Variants in ZFYVE9 observed in about 807,000 individuals in gnomAD.
The protein encoded by ZFYVE9 is zinc finger FYVE domain-containing protein 9.
Under a neutral mutation model 126.7 loss-of-function variants are expected in ZFYVE9, and 43 were observed. The ratio of observed to expected loss-of-function variants is 0.34; its 90% confidence interval spans 0.27 to 0.44. ZFYVE9 has a LOEUF of 0.44. ZFYVE9 is among the 20% of genes least tolerant of loss of function. The pLI is 1.00. For synonymous variants in ZFYVE9, 521 were observed against 597.4 expected (o/e 0.87, Z 1.87); for missense variants, 1,476 against 1,697.0 (o/e 0.87, Z 2.29).
intron 4 of ZFYVE9, among the ~76,000 whole-genome samples, chr1:52,241,659 A>T (rs1277956435): frequency 6.6e-6 from 1 of 152,144 alleles, no homozygotes; most frequent in Admixed American, 6.5e-5. Context: ...GAATTCATGG[A>T]TTCATGTGGC....
chr1:52,221,355 A>C (rs1025246129), intron 2 of ZFYVE9, among the ~76,000 whole-genome samples: 1 of 152,118 alleles, frequency 6.6e-6, no homozygotes, highest in Admixed American at 6.5e-5. Context: ...AACTGATTAG[A>C]TCTAAGCATT....
chr1:52,182,097 G>T (rs1644714338), intron 1 of ZFYVE9, among the ~76,000 whole-genome samples: 1 of 150,994 alleles, frequency 6.6e-6, no homozygotes, highest in Non-Finnish European at 1.5e-5. Flanking sequence ...AGGGAGGTGG[G>T]GGGGTCAGCC....
intron 4 of ZFYVE9, 98 bp from the exon 5 acceptor site, chr1:52,263,675 G>T: frequency 5.4e-6 from 3 of 551,540 alleles, no homozygotes; most frequent in Non-Finnish European, 6.3e-6. Context: ...AGTTTAATAA[G>T]GTTCACTGAC....
At chr1:52,315,117 A>C (rs989974598) in intron 13 of ZFYVE9, among the ~76,000 whole-genome samples, 3 of 152,212 alleles carry the variant, frequency 2.0e-5, no homozygotes, top group Admixed American at 6.5e-5. Flanking sequence ...TCTTTTTAAA[A>C]GACAATTAAC....
At chr1:52,248,046 A>G (rs191878663) in intron 4 of ZFYVE9, among the ~76,000 whole-genome samples, 1 of 152,322 alleles carries the variant, frequency 6.6e-6, no homozygotes. Flanking sequence ...GGTAGGATAT[A>G]TGTATATATA....
chr1:52,278,467 A>G (rs375594385), intron 8 of ZFYVE9, 25 bp from the exon 9 acceptor site: 27 of 1,613,750 alleles, frequency 1.7e-5, no homozygotes, highest in South Asian at 2.2e-5. Context: ...TAACCAATCT[A>G]TTACATTGTT....
intron 12 of ZFYVE9, among the ~76,000 whole-genome samples, chr1:52,297,242 C>CTTTTT (rs767708782): frequency 1.5e-5 from 2 of 134,104 alleles, no homozygotes; most frequent in Admixed American, 7.5e-5. Flanking sequence ...AAAAACATTT[C>CTTTTT]TTTTTTTTTT....
chr1:52,344,882 A>G lies in ZFYVE9; in HGVS notation c.4054A>G (p.Lys1352Glu). Residue 1352 changes from lysine (K) to glutamate (E), a missense_variant, in exon 18 of 19, where the codon AAA becomes GAA. Lys to Glu is a moderately conservative substitution (Grantham distance 56). Transcript: ENST00000287727. ...TTGCCTTGCTCTCTGTCCTCACCTG[A>G]AACTTCTGAAGGAAGATGGAATGAC... Reference protein sequence around the residue: ...AFCLALCPHLKLLKEDGMTKL... With the variant: ...AFCLALCPHLELLKEDGMTKL... The G allele has an allele frequency of 6.2e-7, 1 of 1,614,164 alleles. No individual in the cohort carries two copies. The highest frequency in any genetic ancestry group is 8.5e-7 in the Non-Finnish European group (1 of 1,180,024).
At chr1:52,232,350 C>T (rs903273371) in intron 2 of ZFYVE9, among the ~76,000 whole-genome samples, 2 of 152,090 alleles carry the variant, frequency 1.3e-5, no homozygotes, top group African/African-American at 4.8e-5. Flanking sequence ...CATTGACATA[C>T]CTAGTGTATA....
intron 10 of ZFYVE9, among the ~76,000 whole-genome samples, chr1:52,291,652 T>A (rs1204269809): frequency 6.6e-6 from 1 of 151,684 alleles, no homozygotes; most frequent in African/African-American, 2.4e-5. Flanking sequence ...CCAAGGCGGG[T>A]GGATTACTTG....
In ZFYVE9 at chr1:52,142,513, C is replaced by A. The variant is rs1461379059; in HGVS notation, c.-143+110C>A. 1.3e-5 allele frequency: 2 copies of A among 152,130 alleles called. No homozygotes were observed. The highest frequency in any genetic ancestry group is 1.3e-4 in the Admixed American group (2 of 15,280). 9.4% of individuals were successfully genotyped at this position (152,130 alleles called of 1,614,324 possible). ...CGGGGCGTCCTGCCACTGCGGTCGC[C>A]TCCCCCACCCTGCGGTCCTGGGGCC... On this transcript the variant is annotated intron_variant, in intron 1 of 18. Transcript: ENST00000287727. This position sits in a 1 kb window ranked among gnomAD's most constrained non-coding sequence, Gnocchi z 4.5.
chr1:52,273,818 CAAAAAAA>C (rs61193193), intron 7 of ZFYVE9, among the ~76,000 whole-genome samples: 1 of 75,570 alleles, frequency 1.3e-5, no homozygotes. Context: ...GACTCCTTCT[CAAAAAAA>C]AAAAAAAAAA....
chr1:52,143,543 TA>T (rs1644280942), intron 1 of ZFYVE9, among the ~76,000 whole-genome samples: 1 of 152,316 alleles, frequency 6.6e-6, no homozygotes, highest in African/African-American at 2.4e-5. Flanking sequence ...AATAAATATT[TA>T]ATAATAGGAG....
chr1:52,142,958 C>T lies in ZFYVE9; in HGVS notation c.-143+555C>T, dbSNP rs1000727946. 1.3e-5 allele frequency among the ~76,000 whole-genome samples: 2 copies of T among 152,094 alleles called. No individual in the cohort carries two copies. The highest frequency in any genetic ancestry group is 2.9e-5 in the Non-Finnish European group (2 of 68,034). On this transcript the variant is annotated intron_variant, in intron 1 of 18. Transcript: ENST00000287727. This position sits in a 1 kb window ranked among gnomAD's most constrained non-coding sequence, Gnocchi z 4.5. ...TGGCTTGCTCGAGAACAACCTTTTG[C>T]GTCTTATTTGAGGTGAAATTTCATC... is the stretch of plus-strand genomic sequence containing the variant.
At chr1:52,249,053 G>A (rs142217444) in intron 4 of ZFYVE9, among the ~76,000 whole-genome samples, 1,607 of 152,258 alleles carry the variant, frequency 0.011, 23 homozygotes, top group African/African-American at 0.036. Context: ...GAGTTCTCAT[G>A]AGATCTGGTT....
At chr1:52,301,001 A>G (rs1341557717) in intron 12 of ZFYVE9, among the ~76,000 whole-genome samples, 5 of 151,452 alleles carry the variant, frequency 3.3e-5, no homozygotes, top group African/African-American at 1.2e-4. Context: ...CTGGGATTAC[A>G]GGCATGCACC....
At chr1:52,256,139 C>T (rs1289048014) in intron 4 of ZFYVE9, among the ~76,000 whole-genome samples, 1 of 151,688 alleles carries the variant, frequency 6.6e-6, no homozygotes, top group African/African-American at 2.4e-5. Flanking sequence ...GATCTCAGCT[C>T]ACTGCAGTCT....
chr1:52,208,820 A>G (rs760118035), intron 1 of ZFYVE9, among the ~76,000 whole-genome samples: 6 of 152,214 alleles, frequency 3.9e-5, no homozygotes, highest in South Asian at 2.1e-4. Context: ...GGCATGAACT[A>G]CCATGCCCGG....
chr1:52,342,715 T>C (rs577456104), intron 17 of ZFYVE9, among the ~76,000 whole-genome samples: 5 of 151,796 alleles, frequency 3.3e-5, no homozygotes, highest in Admixed American at 1.3e-4. Context: ...TTTGTATTTT[T>C]AGTAGACAGG....
Sources: allele counts gnomAD v4.1 joint callset (sites outside exome capture counted in the v4.1 genomes callset), GRCh38; gene constraint gnomAD v4.1.1; non-coding constraint Gnocchi (gnomAD v3.1); transcripts MANE v1.5; gene names NCBI Gene and HGNC (gene_info 2026-07-23, HGNC 2026-07-21).